Variants in LRRC4C observed in about 807,000 individuals in gnomAD.
LRRC4C encodes the protein leucine-rich repeat-containing protein 4C.
A neutral mutation model predicts 33.6 loss-of-function variants in LRRC4C; 5 were observed. The ratio of observed to expected loss-of-function variants is 0.15; its 90% CI spans 0.08 to 0.31. LRRC4C has a LOEUF of 0.31. Among genes scored for constraint, LRRC4C ranks in the 10% least tolerant of loss-of-function variants. The pLI is 1.00. For missense variants in LRRC4C, 560 were observed against 796.7 expected (o/e 0.70, Z 3.58); for synonymous variants, 329 against 302.0 (o/e 1.09, Z -0.93).
At chr11:41,397,228 A>C (rs781599465) in intron 1 of LRRC4C, among the ~76,000 whole-genome samples, 20 of 151,878 alleles carry the variant, frequency 1.3e-4, no homozygotes, top group Non-Finnish European at 8.8e-5. Flanking sequence ...TTTTCAGTAA[A>C]TGCTACACTG....
intron 3 of LRRC4C, among the ~76,000 whole-genome samples, chr11:40,558,599 C>T (rs1246998757): frequency 1.3e-5 from 2 of 152,210 alleles, no homozygotes; most frequent in Non-Finnish European, 2.9e-5. Flanking sequence ...TACCACATCA[C>T]TCCTGCCCCT....
chr11:41,012,682 A>G lies in LRRC4C; in HGVS notation c.-495-78959T>C, dbSNP rs1023750808. 9.9e-5 allele frequency among the ~76,000 whole-genome samples: 15 copies of G among 152,174 alleles called. 1 individual carries two copies. Among genetic ancestry groups the G allele is most frequent in the Admixed American group, 9.2e-4 (14 of 15,264 alleles). On this transcript the variant is annotated intron_variant, in intron 1 of 6. Coordinates refer to ENST00000528697, the MANE Select transcript of LRRC4C (RefSeq NM_001258419.2). The stretch of plus-strand genomic sequence containing the variant: ...CCATAGAGTTTTACATAGCGGCTGA[A>G]CTAATTTACATTTTCACCATAGTGT...
At position 40,831,713 on chromosome 11, in the gene LRRC4C, C is replaced by A. The variant is rs559831669; in HGVS notation, c.-407+101922G>T. Among the ~76,000 whole-genome samples, 381 of 152,158 alleles carry A rather than the reference C, an allele frequency of 2.5e-3. 2 individuals carry two copies. Among genetic ancestry groups the A allele is most frequent in the Middle Eastern group, 0.024 (7 of 294 alleles). ...ATCATGGCAGAAGGCAAAGGAGGAGCAAAGTCATGTTTTACATGGTGGCAG... is the reference window on the plus strand; with the variant it reads ...ATCATGGCAGAAGGCAAAGGAGGAGAAAAGTCATGTTTTACATGGTGGCAG... On this transcript the variant is annotated intron_variant, in intron 2 of 6. Transcript: ENST00000528697.
chr11:40,586,971 T>G (rs1958785195), intron 3 of LRRC4C, among the ~76,000 whole-genome samples: 1 of 152,064 alleles, frequency 6.6e-6, no homozygotes, highest in African/African-American at 2.4e-5. Flanking sequence ...CTTTTTTGGT[T>G]CCATATGAAC....
At chr11:40,557,601 C>T (rs2135484078) in intron 3 of LRRC4C, among the ~76,000 whole-genome samples, 1 of 152,158 alleles carries the variant, frequency 6.6e-6, no homozygotes, top group African/African-American at 2.4e-5. Context: ...CTTTCTAAAA[C>T]AGGGAGGGCA....
chr11:41,165,499 C>A (rs1230029011), intron 1 of LRRC4C, among the ~76,000 whole-genome samples: 7 of 152,072 alleles, frequency 4.6e-5, no homozygotes, highest in Non-Finnish European at 7.4e-5. Context: ...TCCTCATAAA[C>A]TATAGATGAG....
intron 3 of LRRC4C, among the ~76,000 whole-genome samples, chr11:40,524,740 T>C (rs192256687): frequency 2.1e-3 from 326 of 152,342 alleles, no homozygotes; most frequent in African/African-American, 7.6e-3. Flanking sequence ...TCAAAATGTC[T>C]TTATTTGCAC....
intron 1 of LRRC4C, among the ~76,000 whole-genome samples, chr11:41,386,309 C>G (rs2137945273): frequency 6.6e-6 from 1 of 151,050 alleles, no homozygotes; most frequent in Non-Finnish European, 1.5e-5. Flanking sequence ...GACTTACTTA[C>G]TTTTCACCAT....
chr11:40,351,691 A>G (rs945605527), intron 3 of LRRC4C: 3 of 152,032 alleles, frequency 2.0e-5, no homozygotes, highest in African/African-American at 7.2e-5. Context: ...ATTTTGCTTT[A>G]TATATCTGGT....
At chr11:40,816,610 G>A (rs1591795886) in intron 2 of LRRC4C, among the ~76,000 whole-genome samples, 1 of 152,074 alleles carries the variant, frequency 6.6e-6, no homozygotes, top group Non-Finnish European at 1.5e-5. Context: ...TAGAGAGTAT[G>A]ATCATCATTA....
chr11:40,474,247 G>A (rs539076501), intron 3 of LRRC4C, among the ~76,000 whole-genome samples: 3 of 152,206 alleles, frequency 2.0e-5, no homozygotes, highest in South Asian at 2.1e-4. Context: ...TAGACCAACG[G>A]AACAGAACAG....
chr11:41,013,879 A>G (rs1855391293), intron 1 of LRRC4C, among the ~76,000 whole-genome samples: 1 of 152,222 alleles, frequency 6.6e-6, no homozygotes, highest in Non-Finnish European at 1.5e-5. Context: ...GCAGGCCAGA[A>G]CAAGAGGGAG....
chr11:40,569,704 G>C (rs1957905683), intron 3 of LRRC4C, among the ~76,000 whole-genome samples: 1 of 152,024 alleles, frequency 6.6e-6, no homozygotes, highest in Non-Finnish European at 1.5e-5. Context: ...CACAAAGGCT[G>C]GTACCAAGAA....
intron 1 of LRRC4C, among the ~76,000 whole-genome samples, chr11:41,017,332 T>C (rs766141807): frequency 9.9e-5 from 15 of 152,190 alleles, no homozygotes; most frequent in Admixed American, 5.2e-4. Context: ...CAAGTTTTCA[T>C]CCAATTCAAG....
At chr11:40,482,019 C>T (rs79274200) in intron 3 of LRRC4C, among the ~76,000 whole-genome samples, 1,834 of 152,204 alleles carry the variant, frequency 0.012, 42 homozygotes, top group Admixed American at 0.036. Context: ...TCAAACAAAT[C>T]AATGATTAAT....
At chr11:41,288,965 G>C (rs1386282309) in intron 1 of LRRC4C, among the ~76,000 whole-genome samples, 2 of 151,908 alleles carry the variant, frequency 1.3e-5, no homozygotes, top group Non-Finnish European at 2.9e-5. Context: ...ATCTTACCCA[G>C]GATAAATCTC....
chr11:40,490,817 A>T lies in LRRC4C; in HGVS notation c.-270+157325T>A, dbSNP rs141989083. 6.9e-4 allele frequency among the ~76,000 whole-genome samples: 105 copies of T among 152,320 alleles called. 1 individual carries two copies. In the East Asian group the frequency reaches 0.016, roughly 23 times the overall value. On this transcript the variant is annotated intron_variant, in intron 3 of 6. Coordinates refer to ENST00000528697, the MANE Select transcript of LRRC4C (RefSeq NM_001258419.2). ...CAGGATTATTTTAAAAACCTGGTTTAGGAAATGCAAAATAAACAGGAGAGT... is the reference window on the plus strand; with the variant it reads ...CAGGATTATTTTAAAAACCTGGTTTTGGAAATGCAAAATAAACAGGAGAGT...
chr11:40,947,931 A>G (rs920404803), intron 1 of LRRC4C, among the ~76,000 whole-genome samples: 1 of 152,082 alleles, frequency 6.6e-6, no homozygotes, highest in African/African-American at 2.4e-5. Flanking sequence ...TTAATATTCA[A>G]TGGCTTGACT....
intron 2 of LRRC4C, among the ~76,000 whole-genome samples, chr11:40,851,170 G>A (rs1420541905): frequency 1.3e-5 from 2 of 151,286 alleles, no homozygotes; most frequent in Non-Finnish European, 2.9e-5. Context: ...GGCGTCACTG[G>A]GGTATGGGGG....
Sources: gnomAD v4.1 joint callset for allele counts (sites outside exome capture counted in the v4.1 genomes callset) on GRCh38, gnomAD v4.1.1 for gene constraint, MANE v1.5 for transcripts, NCBI Gene and HGNC (gene_info 2026-07-23, HGNC 2026-07-21) for gene names.